The following FAM20B variants were observed in gnomAD, a reference collection of about 807,000 sequenced individuals.
FAM20B encodes FAM20B glycosaminoglycan xylosylkinase, also known as glycosaminoglycan xylosylkinase.
In FAM20B, 23 loss-of-function variants were observed where a neutral mutation model predicts 43.8. That is an observed-to-expected ratio of 0.53 (90% CI 0.38 to 0.74). FAM20B has a LOEUF of 0.74. Among genes scored for constraint, FAM20B ranks in the 30% least tolerant of loss-of-function variants. FAM20B has a pLI of 0.00. For missense variants in FAM20B, 440 were observed against 510.5 expected, an observed-to-expected ratio of 0.86 and a Z score of 1.33; for synonymous variants, 178 against 192.4, an observed-to-expected ratio of 0.93 and a Z score of 0.62.
chr1:179,043,871 G>A lies in FAM20B; in HGVS notation c.24G>A (p.Val8=). 6.2e-7 allele frequency: 1 copy of A among 1,605,010 alleles called. No homozygotes were observed. Among genetic ancestry groups the A allele is most frequent in the Non-Finnish European group, 8.5e-7 (1 of 1,172,506 alleles). Residue 8 remains valine, a synonymous_variant, in exon 2 of 8, where the codon GTG becomes GTA. Transcript: ENST00000263733. MKLKQRV[V]LLAILLVIFI... Reference sequence around the variant, plus strand: ...ACATGAAGCTAAAGCAGCGAGTCGTGCTGTTAGCAATTCTCCTTGTCATTT... The same window carrying A: ...ACATGAAGCTAAAGCAGCGAGTCGTACTGTTAGCAATTCTCCTTGTCATTT...
rs1652082416 is a variant in FAM20B, at chr1:179,075,193, A to C, written c.*3049A>C. On this transcript the variant is annotated 3_prime_UTR_variant, in exon 8 of 8. Coordinates refer to ENST00000263733, the MANE Select transcript of FAM20B (RefSeq NM_014864.4). ...GGAGACAGAGCGAGACTCTGTCTTA[A>C]AAAAAAAAAAAGGAGGTGAATTTTT... The C allele has an allele frequency of 6.8e-6, 1 of 146,634 alleles. No homozygotes were observed. Among genetic ancestry groups the C allele is most frequent in the Admixed American group, 6.8e-5 (1 of 14,618 alleles). 9.1% of individuals were successfully genotyped at this position (146,634 alleles called of 1,614,324 possible).
chr1:179,033,537 C>G (rs554926003), intron 1 of FAM20B, among the ~76,000 whole-genome samples: 3 of 152,162 alleles, frequency 2.0e-5, no homozygotes, highest in African/African-American at 4.8e-5. Context: ...TGTTTTTAGT[C>G]ACGTAATTTA....
intron 1 of FAM20B, among the ~76,000 whole-genome samples, chr1:179,040,965 A>T (rs1179487222): frequency 5.2e-5 from 7 of 134,546 alleles, no homozygotes; most frequent in Non-Finnish European, 7.8e-5. Flanking sequence ...GGCGCTCCTC[A>T]CATCCCAGAC....
intron 2 of FAM20B, among the ~76,000 whole-genome samples, chr1:179,045,721 A>G (rs979168499): frequency 2.0e-5 from 3 of 152,012 alleles, no homozygotes; most frequent in African/African-American, 7.3e-5. Context: ...CTCTGTCTCT[A>G]TAAAAAAATA....
At chr1:179,043,516 C>CG (rs777668429) in intron 1 of FAM20B, among the ~76,000 whole-genome samples, 199 bp from the exon 2 acceptor site, 9 of 152,296 alleles carry the variant, frequency 5.9e-5, no homozygotes, top group South Asian at 4.1e-4. Context: ...CTGGTGTCTT[C>CG]GCAGCAGCTG....
At chr1:179,036,796 G>A (rs184964121) in intron 1 of FAM20B, among the ~76,000 whole-genome samples, 1 of 152,322 alleles carries the variant, frequency 6.6e-6, no homozygotes, top group Admixed American at 6.5e-5. Flanking sequence ...ATGTAGTTAA[G>A]TACTGGCCGA....
chr1:179,046,480 A>G (rs1264637013), intron 2 of FAM20B, among the ~76,000 whole-genome samples: 7 of 146,968 alleles, frequency 4.8e-5, no homozygotes, highest in Middle Eastern at 4.1e-3. Context: ...GCGAAACCCC[A>G]TCTCTACTAA....
intron 7 of FAM20B, among the ~76,000 whole-genome samples, chr1:179,069,790 C>G (rs1244964855): frequency 6.6e-6 from 1 of 152,194 alleles, no homozygotes; most frequent in Non-Finnish European, 1.5e-5. Flanking sequence ...ATAAAAATAA[C>G]TGTACTCCGT....
At chr1:179,058,040 G>A (rs1651303218) in intron 4 of FAM20B, among the ~76,000 whole-genome samples, 1 of 152,030 alleles carries the variant, frequency 6.6e-6, no homozygotes. Flanking sequence ...AAAAATAAAG[G>A]TTTTAAATAC....
chr1:179,031,860 A>G (rs1650029283), intron 1 of FAM20B, among the ~76,000 whole-genome samples: 1 of 152,224 alleles, frequency 6.6e-6, no homozygotes. Flanking sequence ...AAGGCATTCT[A>G]TTTTAGCCTT....
chr1:179,062,123 C>A (rs1349416049), intron 4 of FAM20B, among the ~76,000 whole-genome samples: 1 of 152,074 alleles, frequency 6.6e-6, no homozygotes, highest in African/African-American at 2.4e-5. Context: ...CCTCCTGCCT[C>A]AGCCTTCCAA....
the FAM20B span, among the ~76,000 whole-genome samples, chr1:179,017,702 C>T: frequency 6.6e-6 from 1 of 152,122 alleles, no homozygotes; most frequent in Non-Finnish European, 1.5e-5. Flanking sequence ...TCAGATAGGG[C>T]AATACAGTCA....
chr1:179,026,341 C>G (rs937842170), intron 1 of FAM20B, among the ~76,000 whole-genome samples: 1 of 151,868 alleles, frequency 6.6e-6, no homozygotes, highest in African/African-American at 2.4e-5. Context: ...GGCCGCGTGT[C>G]CCTGTGTGCG....
intron 1 of FAM20B, among the ~76,000 whole-genome samples, chr1:179,027,850 TTAAGA>T (rs1649853219): frequency 6.6e-6 from 1 of 152,232 alleles, no homozygotes; most frequent in South Asian, 2.1e-4. Flanking sequence ...TTTTTGGTTC[TTAAGA>T]TTAGAGAAAA....
At chr1:179,051,446 G>A (rs1651002671) in intron 3 of FAM20B, among the ~76,000 whole-genome samples, 1 of 151,960 alleles carries the variant, frequency 6.6e-6, no homozygotes, top group African/African-American at 2.4e-5. Flanking sequence ...ACAACATGGA[G>A]AAGCCCCGTC....
chr1:179,018,219 A>G, the FAM20B span, among the ~76,000 whole-genome samples: 1 of 152,188 alleles, frequency 6.6e-6, no homozygotes. Flanking sequence ...TATGACCTTT[A>G]TGTAAAAAGT....
chr1:179,071,228 A>G (rs1025510150), intron 7 of FAM20B, among the ~76,000 whole-genome samples: 1 of 151,612 alleles, frequency 6.6e-6, no homozygotes, highest in Non-Finnish European at 1.5e-5. Flanking sequence ...CCCGGGAGGC[A>G]GAGCTTGCAG....
At chr1:179,054,158 A>G (rs540180705) in intron 3 of FAM20B, among the ~76,000 whole-genome samples, 43 of 151,608 alleles carry the variant, frequency 2.8e-4, no homozygotes, top group African/African-American at 1.0e-3. Context: ...TTGAACCCAT[A>G]TATGAGTTTG....
intron 1 of FAM20B, among the ~76,000 whole-genome samples, chr1:179,032,313 CTTTTTTTTTTTTT>C (rs547439601): frequency 2.1e-4 from 23 of 111,946 alleles, no homozygotes; most frequent in African/African-American, 6.2e-4. Context: ...AGGTCTCATT[CTTTTTTTTTTTTT>C]TTTTTTTTTT....
Sources: allele counts gnomAD v4.1 joint callset (sites outside exome capture counted in the v4.1 genomes callset), GRCh38; gene constraint gnomAD v4.1.1; transcripts MANE v1.5; gene names NCBI Gene and HGNC (gene_info 2026-07-23, HGNC 2026-07-21).